KRT5: variants seen among roughly 807,000 people sequenced by gnomAD.
KRT5 encodes keratin 5, also known as keratin, type II cytoskeletal 5.
Under a neutral mutation model 44.0 loss-of-function variants are expected in KRT5, and 17 were observed. The observed-to-expected ratio is 0.39, with a 90% CI of 0.26 to 0.58. The LOEUF (loss-of-function observed/expected upper bound fraction) is 0.58, where lower values mean the gene tolerates loss of function less well. Among genes scored for constraint, KRT5 ranks in the 20% least tolerant of loss-of-function variants. The pLI, the probability that KRT5 is intolerant of heterozygous loss-of-function variation, is 0.61. For synonymous variants in KRT5, 329 were observed against 312.8 expected, an observed-to-expected ratio of 1.05 and a Z score of -0.55; for missense variants, 737 against 785.5, an observed-to-expected ratio of 0.94 and a Z score of 0.74.
intron 7 of KRT5, 27 bp downstream of exon 7, chr12:52,516,610 C>T (rs759126352): frequency 5.6e-6 from 9 of 1,609,966 alleles, no homozygotes; most frequent in Admixed American, 3.3e-5. Flanking sequence ...AGCTGAAGGC[C>T]ATCTTGAGTT....
At position 52,519,975 on chromosome 12, in the gene KRT5, C is replaced by G. The variant is rs146022149; in HGVS notation, c.322G>C (p.Gly108Arg). 1.3e-5 allele frequency: 21 copies of G among 1,612,708 alleles called. No individual in the cohort carries two copies. The highest frequency in any genetic ancestry group is 1.8e-5 in the Non-Finnish European group (21 of 1,179,208). ...CCAAAGCCACCACCAGCTCCACCGCCGAAACCAAATCCACTACCGGCACCA... is the reference window on the plus strand; with the variant it reads ...CCAAAGCCACCACCAGCTCCACCGCGGAAACCAAATCCACTACCGGCACCA... ...GGGAGSGFGF[G>R]GGAGGGFGLG... Residue 108 changes from glycine to arginine, a missense_variant, in exon 1 of 9, where the codon GGC becomes CGC. By Grantham distance (125) the Gly-to-Arg change is moderately radical. Coordinates refer to ENST00000252242, the MANE Select transcript of KRT5 (RefSeq NM_000424.4).
chr12:52,518,887 C>A, intron 2 of KRT5, 59 bp downstream of exon 2: 3 of 1,602,630 alleles, frequency 1.9e-6, no homozygotes, highest in Non-Finnish European at 2.6e-6. Flanking sequence ...AGTAACAAAG[C>A]CCATCTGGTA....
rs144226740 is a variant in KRT5, at chr12:52,515,161, G to A, written c.1554C>T (p.Gly518=). ...YGGGLGGGLG[G]GLGGGLAGGS... ...CTCCGGCAAGACCTCCACCGAGGCC[G>A]CCGCCAAGACCTCCACCGAGGCCAC... is the stretch of plus-strand genomic sequence containing the variant. The change falls in exon 9 of 9, where the codon GGC becomes GGT. Residue 518 remains glycine (G), a synonymous_variant. Transcript: ENST00000252242. 5.8e-5 allele frequency: 94 copies of A among 1,610,106 alleles called. No homozygotes were observed. Among genetic ancestry groups the A allele is most frequent in the East Asian group, 1.8e-4 (8 of 44,820 alleles).
chr12:52,515,336 G>C, intron 8 of KRT5, 96 bp from the exon 9 acceptor site: 1 of 1,538,456 alleles, frequency 6.5e-7, no homozygotes, highest in Non-Finnish European at 8.9e-7. Context: ...GCACTCTACT[G>C]GACCCCCTTT....
chr12:52,515,450 T>C (rs1592193128), intron 8 of KRT5: 3 of 680,478 alleles, frequency 4.4e-6, no homozygotes, highest in African/African-American at 1.8e-5. Flanking sequence ...AGGAGCTAGG[T>C]ACTGAGGGGA....
intron 2 of KRT5, 101 bp from the exon 3 acceptor site, chr12:52,518,264 G>T: frequency 9.0e-7 from 1 of 1,111,584 alleles, no homozygotes; most frequent in Non-Finnish European, 1.4e-6. Context: ...CAGTGGGAAG[G>T]GGCTTCTCCT....
intron 8 of KRT5, 51 bp downstream of exon 8, chr12:52,515,747 A>G (rs758141613): frequency 5.8e-5 from 84 of 1,457,190 alleles, no homozygotes; most frequent in Non-Finnish European, 7.8e-5. Flanking sequence ...AGTTGGCACT[A>G]AATATATCCC....
In KRT5 at chr12:52,517,472, A is replaced by G. The variant is rs1938628898; in HGVS notation, c.1092+118T>C. The G allele has an allele frequency of 3.4e-6, 4 of 1,183,546 alleles. No homozygotes were observed. In the African/African-American group the frequency reaches 6.0e-5, roughly 18 times the overall value. 73.3% of individuals were successfully genotyped at this position (1,183,546 alleles called of 1,614,324 possible). On this transcript the variant is annotated intron_variant, in intron 5 of 8. Transcript: ENST00000252242. ...AAATTGTCTACACAGCCATTCCTATAAAGCATCCCAATGGGCTTCAGCAGG... is the reference window on the plus strand; with the variant it reads ...AAATTGTCTACACAGCCATTCCTATGAAGCATCCCAATGGGCTTCAGCAGG...
chr12:52,515,011 G>A lies in KRT5; in HGVS notation c.1704C>T (p.Gly568=), dbSNP rs200589093. The A allele has an allele frequency of 1.7e-5, 24 of 1,451,378 alleles. No homozygotes were observed. The highest frequency in any genetic ancestry group is 3.0e-5 in the African/African-American group (2 of 66,480). 89.9% of individuals were successfully genotyped at this position (1,451,378 alleles called of 1,614,324 possible). The part of the protein sequence containing the change: ...GRGLGVGFGS[G]GGSSSSVKFV... ...ATTTGACGCTGGAGCTGCTACCCCC[G>A]CCACTGCCAAAGCCCACCCCCAGCC... Residue 568 remains glycine, a synonymous_variant, in exon 9 of 9, where the codon GGC becomes GGT. Transcript: ENST00000252242.
chr12:52,518,080 G>C, intron 3 of KRT5, 23 bp downstream of exon 3: 1 of 1,613,752 alleles, frequency 6.2e-7, no homozygotes. Flanking sequence ...GCAGGCTGCT[G>C]GTTCTCTCCC....
Position 52,516,696 on chromosome 12 carries a change from C to T in KRT5, c.1380G>A (p.Lys460=), listed in dbSNP as rs1592193656. Residue 460 remains lysine, a synonymous_variant, in exon 7 of 9, where the codon AAG becomes AAA. Coordinates refer to ENST00000252242, the MANE Select transcript of KRT5 (RefSeq NM_000424.4). ...LREYQELMNT[K]LALDVEIATY... is the part of the protein sequence containing the mutation. ...TGGCGATCTCCACGTCCAGGGCCAGCTTGGTGTTCATGAGCTCCTGGTACT... is the reference window on the plus strand; with the variant it reads ...TGGCGATCTCCACGTCCAGGGCCAGTTTGGTGTTCATGAGCTCCTGGTACT... The T allele has an allele frequency of 1.2e-6, 2 of 1,614,240 alleles. No homozygotes were observed. The highest frequency in any genetic ancestry group is 1.7e-6 in the Non-Finnish European group (2 of 1,180,040).
At position 52,519,010 on chromosome 12, in the gene KRT5, C is replaced by G; in HGVS notation, c.706G>C (p.Glu236Gln). 6.2e-7 allele frequency: 1 copy of G among 1,614,128 alleles called. No individual in the cohort carries two copies. Among genetic ancestry groups the G allele is most frequent in the Non-Finnish European group, 8.5e-7 (1 of 1,180,020 alleles). The change falls in exon 2 of 9, where the codon GAA (glutamate) becomes CAA (glutamine). Residue 236 changes from glutamate to glutamine, a missense_variant. Around this residue, in one of 5 missense-constraint regions of KRT5, gnomAD observed 326 missense variants for 333.1 expected, o/e 0.98. Transcript: ENST00000252242. The part of the protein sequence containing the change: ...LRRQLDSIVG[E>Q]RGRLDSELRN... ...AGCTCTGAGTCCAGGCGGCCCCGTT[C>G]CCCCACGATGCTGTCCAGCTGCCTC...
chr12:52,520,198 G>T lies in KRT5; in HGVS notation c.99C>A (p.Thr33=). 1 of 1,614,098 alleles carries T rather than the reference G, an allele frequency of 6.2e-7. No homozygotes were observed. ...CGCCACCCCCGGACCGGGACACGGA[G>T]GTGAAGCTGGTGCGGGAGACAGACG... The part of the protein sequence containing the change: ...ITPSVSRTSF[T]SVSRSGGGGG... The change falls in exon 1 of 9, where the codon ACC becomes ACA. Residue 33 remains threonine, a synonymous_variant. Transcript: ENST00000252242.
rs1489330570 is a variant in KRT5, at chr12:52,515,138, C to T, written c.1577G>A (p.Gly526Glu). 3 of 1,611,944 alleles carry T rather than the reference C, an allele frequency of 1.9e-6. No homozygotes were observed. In the South Asian group the frequency reaches 3.3e-5, roughly 18 times the overall value. Residue 526 changes from glycine (G) to glutamate (E), a missense_variant, in exon 9 of 9, where the codon GGA becomes GAA. Physicochemically the swap from Gly to Glu is moderately conservative, Grantham distance 98. Around this residue, in one of 5 missense-constraint regions of KRT5, gnomAD observed 344 missense variants for 351.6 expected, o/e 0.98. Transcript: ENST00000252242. ...GGAGTAGTAGCTTCCACTGCTACCT[C>T]CGGCAAGACCTCCACCGAGGCCGCC... ...LGGGLGGGLA[G>E]GSSGSYYSSS...
chr12:52,520,230 T>C lies in KRT5; in HGVS notation c.67A>G (p.Ile23Val), dbSNP rs1463762295. Residue 23 changes from isoleucine to valine, a missense_variant, in exon 1 of 9, where the codon ATC becomes GTC. Transcript: ENST00000252242. ...GSRSFSTASA[I>V]TPSVSRTSFT... Reference sequence around the variant, plus strand: ...CTGGTGCGGGAGACAGACGGGGTGATGGCAGAGGCGGTGCTGAAGCTACGA... The same window carrying C: ...CTGGTGCGGGAGACAGACGGGGTGACGGCAGAGGCGGTGCTGAAGCTACGA... 3 of 1,613,996 alleles carry C rather than the reference T, an allele frequency of 1.9e-6. No individual in the cohort carries two copies. Among genetic ancestry groups the C allele is most frequent in the Non-Finnish European group, 2.5e-6 (3 of 1,180,008 alleles).
Position 52,519,113 on chromosome 12 carries a change from G to A in KRT5, c.603C>T (p.Thr201=), listed in dbSNP as rs1438163822. 3 of 1,614,048 alleles carry A rather than the reference G, an allele frequency of 1.9e-6. No homozygotes were observed. The highest frequency in any genetic ancestry group is 1.3e-5 in the African/African-American group (1 of 74,928). Residue 201 remains threonine, a synonymous_variant, in exon 2 of 9, where the codon ACC becomes ACT. Coordinates refer to ENST00000252242, the MANE Select transcript of KRT5 (RefSeq NM_000424.4). The part of the protein sequence containing the change: ...QQNKVLDTKW[T]LLQEQGTKTV... ...TCTTGGTGCCCTGCTCCTGCAGCAGGGTCCACTTGGTGTCCAGAACCTTGT... is the reference window on the plus strand; with the variant it reads ...TCTTGGTGCCCTGCTCCTGCAGCAGAGTCCACTTGGTGTCCAGAACCTTGT...
Position 52,515,919 on chromosome 12 carries a change from G to A in KRT5, c.1440-87C>T, listed in dbSNP as rs543279922. On this transcript the variant is annotated intron_variant, in intron 7 of 8. Transcript: ENST00000252242. ...TGGCTAACTCCCATCCTCATGATTC[G>A]AGTTCATTCCATAAGCCAGGAGTCT... is the stretch of plus-strand genomic sequence containing the variant. The A allele has an allele frequency of 4.3e-5, 50 of 1,154,918 alleles. No individual in the cohort carries two copies. In the African/African-American group the frequency reaches 5.1e-4, roughly 12 times the overall value. The allele number at this position is 1,154,918 out of a possible 1,614,324, so 71.5% of individuals were successfully genotyped here.
intron 5 of KRT5, 97 bp downstream of exon 5, chr12:52,517,493 G>C (rs1305110540): frequency 7.4e-7 from 1 of 1,343,388 alleles, no homozygotes; most frequent in African/African-American, 1.4e-5. Flanking sequence ...ATGGGCTTCA[G>C]CAGGTTCCAG....
intron 1 of KRT5, 138 bp from the exon 2 acceptor site, chr12:52,519,298 G>T: frequency 7.4e-7 from 1 of 1,356,186 alleles, no homozygotes; most frequent in Non-Finnish European, 1.0e-6. Context: ...CCCAGGAGGG[G>T]AGGTGCAGAC....
Sources: gnomAD v4.1 joint callset for allele counts on GRCh38, gnomAD v4.1.1 for gene constraint, gnomAD v4.1.1 regional missense constraint, MANE v1.5 for transcripts, NCBI Gene and HGNC (gene_info 2026-07-23, HGNC 2026-07-21) for gene names.